The following S100Z variants were observed in gnomAD, a reference collection of about 807,000 sequenced individuals.
S100Z encodes the protein S100 calcium binding protein Z.
S100Z carries 11 observed loss-of-function variants against 8.5 expected under a neutral mutation model. That is an observed-to-expected ratio of 1.30 (90% CI 0.82 to 2.15). S100Z has a LOEUF of 2.15. Ranked by LOEUF, S100Z falls within the 30% of genes most tolerant of loss-of-function variation. The probability of loss-of-function intolerance (pLI) is 0.00; values close to 1 mark genes in which losing one functional copy is unlikely to be tolerated. For synonymous variants in S100Z, 34 were observed against 43.8 expected, an observed-to-expected ratio of 0.78 and a Z score of 0.89; for missense variants, 126 against 117.9, an observed-to-expected ratio of 1.07 and a Z score of -0.32.
At chr5:76,853,695 G>T (rs890336875) in intron 1 of S100Z, among the ~76,000 whole-genome samples, 1 of 152,058 alleles carries the variant, frequency 6.6e-6, no homozygotes, top group Non-Finnish European at 1.5e-5. Context: ...TACTGGGGAG[G>T]CTGAGGCAGG....
chr5:76,947,787 G>A, the S100Z span, among the ~76,000 whole-genome samples: 16 of 152,202 alleles, frequency 1.1e-4, no homozygotes, highest in Admixed American at 9.8e-4. Flanking sequence ...TCAACAAATG[G>A]TGTTGGGAAA....
chr5:76,928,501 G>A, the S100Z span, among the ~76,000 whole-genome samples: 1 of 152,250 alleles, frequency 6.6e-6, no homozygotes, highest in African/African-American at 2.4e-5. Flanking sequence ...GAGCTGGGAA[G>A]GTGAAGCTAC....
chr5:76,871,244 G>A (rs1434235180), intron 2 of S100Z, among the ~76,000 whole-genome samples: 1 of 152,140 alleles, frequency 6.6e-6, no homozygotes, highest in African/African-American at 2.4e-5. Context: ...CGTCTTTTAT[G>A]GGGGAAATTT....
intron 1 of S100Z, among the ~76,000 whole-genome samples, chr5:76,858,011 G>A (rs1750932541): frequency 2.0e-5 from 3 of 152,214 alleles, no homozygotes; most frequent in Non-Finnish European, 4.4e-5. Context: ...GATAAAGCCT[G>A]TACTTGCTAA....
chr5:76,900,663 C>T (rs79882033), intron 4 of S100Z, among the ~76,000 whole-genome samples: 2,814 of 152,260 alleles, frequency 0.018, 101 homozygotes, highest in African/African-American at 0.063. Context: ...TGAGTTTCTT[C>T]AACATAGCTA....
intron 4 of S100Z, among the ~76,000 whole-genome samples, chr5:76,884,073 T>C (rs1172530740): frequency 1.3e-5 from 2 of 152,198 alleles, no homozygotes; most frequent in South Asian, 2.1e-4. Flanking sequence ...ATTTAATTTT[T>C]GGAGCTTTAT....
At chr5:76,894,617 T>C (rs1257931311) in intron 4 of S100Z, among the ~76,000 whole-genome samples, 13 of 149,914 alleles carry the variant, frequency 8.7e-5, no homozygotes, top group Non-Finnish European at 1.6e-4. Flanking sequence ...TTTTTTGAGA[T>C]GGAGTTTCAC....
At chr5:76,922,774 C>T (rs920744265), downstream of S100Z, among the ~76,000 whole-genome samples, 8 of 152,172 alleles carry the variant, frequency 5.3e-5, no homozygotes, top group African/African-American at 9.7e-5. Flanking sequence ...CTGCCCGCCT[C>T]GGCCTCCCAA....
intron 4 of S100Z, among the ~76,000 whole-genome samples, chr5:76,887,206 C>T (rs2359428): frequency 0.52 from 77,501 of 150,196 alleles, 23,178 homozygotes; most frequent in Non-Finnish European, 0.66. Flanking sequence ...AAGCGATTTT[C>T]GTGCCTGAGC....
At chr5:76,891,237 A>G (rs1743844123) in intron 4 of S100Z, among the ~76,000 whole-genome samples, 1 of 152,194 alleles carries the variant, frequency 6.6e-6, no homozygotes, top group African/African-American at 2.4e-5. Flanking sequence ...TACATCTTAA[A>G]AGCAGTAGGT....
At chr5:76,942,640 T>C in the S100Z span, among the ~76,000 whole-genome samples, 1 of 152,142 alleles carries the variant, frequency 6.6e-6, no homozygotes, top group African/African-American at 2.4e-5. Flanking sequence ...GCTGAGACAC[T>C]GGGGTGTTTA....
chr5:76,941,360 C>G, the S100Z span, among the ~76,000 whole-genome samples: 1 of 151,980 alleles, frequency 6.6e-6, no homozygotes, highest in Non-Finnish European at 1.5e-5. Flanking sequence ...TGAGTTTTTC[C>G]CATGCTGTTC....
Position 76,877,100 on chromosome 5 carries a change from TAA to T in S100Z, c.142-571_142-570del, listed in dbSNP as rs539585998. The stretch of plus-strand genomic sequence containing the variant: ...TACAATACTTGAGACATACTAAAAC[TAA>T]AAGTTATTTGTTGTTTATTTGAAAT... On this transcript the variant is annotated intron_variant, in intron 3 of 4. Coordinates refer to ENST00000317593, the MANE Select transcript of S100Z (RefSeq NM_130772.4). 3.9e-5 allele frequency among the ~76,000 whole-genome samples: 6 copies of T among 152,294 alleles called. No individual in the cohort carries two copies. The South Asian group carries it at 6.2e-4, about 16-fold the overall frequency.
chr5:76,950,671 A>G, the S100Z span, among the ~76,000 whole-genome samples: 1 of 152,210 alleles, frequency 6.6e-6, no homozygotes, highest in Non-Finnish European at 1.5e-5. Flanking sequence ...AAAGTAATGG[A>G]GGTTAACATA....
downstream of S100Z, among the ~76,000 whole-genome samples, chr5:76,923,756 T>C (rs73764786): frequency 0.032 from 4,914 of 152,304 alleles, 209 homozygotes; most frequent in African/African-American, 0.096. Flanking sequence ...ACCGGCAGCA[T>C]TAGCATAGCC....
At chr5:76,864,444 C>G (rs1751194684) in intron 1 of S100Z, among the ~76,000 whole-genome samples, 1 of 125,710 alleles carries the variant, frequency 8.0e-6, no homozygotes, top group African/African-American at 3.1e-5. Context: ...CTCGGTCACC[C>G]AGGCTGGAGT....
intron 4 of S100Z, among the ~76,000 whole-genome samples, chr5:76,895,817 T>C (rs2150665410): frequency 7.1e-6 from 1 of 141,114 alleles, no homozygotes; most frequent in South Asian, 2.4e-4. Context: ...TTGTCCAGAC[T>C]GGAGTGCAGT....
At chr5:76,939,800 G>A in the S100Z span, among the ~76,000 whole-genome samples, 6 of 151,704 alleles carry the variant, frequency 4.0e-5, 1 homozygote, top group South Asian at 4.2e-4. Flanking sequence ...GGTGCGAGCC[G>A]CCACGCCCAG....
the S100Z span, among the ~76,000 whole-genome samples, chr5:76,946,979 T>G: frequency 6.6e-6 from 1 of 151,210 alleles, no homozygotes. Flanking sequence ...ACAGTCCTGT[T>G]ATGACAACAT....
Sources: allele counts gnomAD v4.1 joint callset (sites outside exome capture counted in the v4.1 genomes callset), GRCh38; gene constraint gnomAD v4.1.1; transcripts MANE v1.5; gene names NCBI Gene and HGNC (gene_info 2026-07-23, HGNC 2026-07-21).